The following GAL3ST1 variants were observed in gnomAD, a reference collection of about 807,000 sequenced individuals.
GAL3ST1 encodes galactosylceramide sulfotransferase.
A neutral mutation model predicts 25.0 loss-of-function variants in GAL3ST1; 13 were observed. The ratio of observed to expected loss-of-function variants is 0.52; its 90% CI spans 0.34 to 0.83. The LOEUF (loss-of-function observed/expected upper bound fraction) is 0.83. Ranked by LOEUF, GAL3ST1 falls within the 40% of genes least tolerant of loss-of-function variation. GAL3ST1 has a pLI of 0.02. For missense variants in GAL3ST1, 474 were observed against 613.6 expected, an observed-to-expected ratio of 0.77 and a Z score of 2.40; for synonymous variants, 274 against 277.8, an observed-to-expected ratio of 0.99 and a Z score of 0.14.
chr22:30,559,296 T>G (rs533586659), intron 1 of GAL3ST1, among the ~76,000 whole-genome samples: 2 of 152,154 alleles, frequency 1.3e-5, no homozygotes, highest in Admixed American at 1.3e-4. Flanking sequence ...GCTGGAGTGC[T>G]GTGGCGCAAT....
intron 3 of GAL3ST1, 135 bp from the exon 4 acceptor site, chr22:30,556,228 C>T: frequency 1.4e-6 from 1 of 722,628 alleles, no homozygotes; most frequent in East Asian, 2.7e-5. Context: ...GGGCCTGAGT[C>T]CAGGCTGGGT....
intron 2 of GAL3ST1, among the ~76,000 whole-genome samples, chr22:30,558,078 G>A (rs1040313746): frequency 1.3e-5 from 2 of 151,600 alleles, no homozygotes; most frequent in South Asian, 2.1e-4. Context: ...GTGAGCCATC[G>A]CGCCCGACCA....
At chr22:30,570,393 A>G (rs780869599) in intron 1 of GAL3ST1, among the ~76,000 whole-genome samples, 5 of 152,252 alleles carry the variant, frequency 3.3e-5, no homozygotes, top group Admixed American at 2.0e-4. Flanking sequence ...CTAACAATCA[A>G]TCTGAGATGG....
Position 30,567,162 on chromosome 22 carries a change from A to T in GAL3ST1, c.-120+7304T>A, listed in dbSNP as rs540376382. ...ATAAAAGCAGTATACTGAAAAAAAA[A>T]TTCAAACAATACAGAAGAGTATAAA... On this transcript the variant is annotated intron_variant, in intron 1 of 3. Coordinates refer to ENST00000406361, the MANE Select transcript of GAL3ST1 (RefSeq NM_001318104.2). 2.0e-5 allele frequency among the ~76,000 whole-genome samples: 3 copies of T among 152,294 alleles called. No homozygotes were observed. In the East Asian group the frequency reaches 5.8e-4, roughly 29 times the overall value.
intron 1 of GAL3ST1, among the ~76,000 whole-genome samples, chr22:30,569,803 C>A (rs2086728506): frequency 6.6e-6 from 1 of 152,196 alleles, no homozygotes; most frequent in East Asian, 1.9e-4. Flanking sequence ...AAACCATTCC[C>A]CAGCCGGGCA....
intron 1 of GAL3ST1, among the ~76,000 whole-genome samples, chr22:30,570,977 T>TACACACACACACACAC (rs67031445): frequency 4.8e-5 from 7 of 146,186 alleles, no homozygotes; most frequent in East Asian, 4.1e-4. Context: ...TCTGTGATGA[T>TACACACACACACACAC]ACACACACAC....
chr22:30,555,879 C>T lies in GAL3ST1; in HGVS notation c.346G>A (p.Asp116Asn). 4 of 1,614,152 alleles carry T rather than the reference C, an allele frequency of 2.5e-6. No individual in the cohort carries two copies. The highest frequency in any genetic ancestry group is 3.4e-6 in the Non-Finnish European group (4 of 1,180,020). The change falls in exon 4 of 4, where the codon GAC becomes AAC. Residue 116 changes from aspartate to asparagine, a missense_variant. Around this residue, in one of 2 missense-constraint regions of GAL3ST1, gnomAD observed 359 missense variants for 504.4 expected, o/e 0.71. Coordinates refer to ENST00000406361, the MANE Select transcript of GAL3ST1 (RefSeq NM_001318104.2). The surrounding 1 kb of genome is among the most constrained non-coding windows in gnomAD (Gnocchi z 8.6). ...CTGCGGGCGAAGAAGGTCGGGTAGT[C>T]GAAGTCATTGCGGCCGTTAGGGAAG... ...FAFPNGRNDF[D>N]YPTFFARSLV...
At chr22:30,559,285 G>C (rs978430928) in intron 1 of GAL3ST1, among the ~76,000 whole-genome samples, 4 of 152,130 alleles carry the variant, frequency 2.6e-5, no homozygotes. Context: ...TCTGTCGCCA[G>C]GCTGGAGTGC....
intron 1 of GAL3ST1, among the ~76,000 whole-genome samples, chr22:30,572,063 G>T (rs764303102): frequency 6.6e-6 from 1 of 152,132 alleles, no homozygotes; most frequent in African/African-American, 2.4e-5. Context: ...GCTTCCTGAG[G>T]GGGGGATTTG....
intron 1 of GAL3ST1, among the ~76,000 whole-genome samples, chr22:30,569,713 G>T (rs1030853964): frequency 2.0e-5 from 3 of 152,188 alleles, no homozygotes; most frequent in Non-Finnish European, 2.9e-5. Flanking sequence ...TTACGGAGCA[G>T]GGTGAAGAAG....
intron 1 of GAL3ST1, among the ~76,000 whole-genome samples, chr22:30,573,608 C>G (rs976636822): frequency 6.6e-5 from 10 of 152,216 alleles, no homozygotes; most frequent in African/African-American, 2.4e-4. Context: ...CACCTCTCTC[C>G]CCTCTGGAGG....
Position 30,570,276 on chromosome 22 carries a change from C to T in GAL3ST1, c.-120+4190G>A, listed in dbSNP as rs189266708. Among the ~76,000 whole-genome samples the T allele has an allele frequency of 1.2e-3, 188 of 152,296 alleles. 1 individual carries two copies. Among genetic ancestry groups the T allele is most frequent in the African/African-American group, 4.1e-3 (170 of 41,550 alleles). ...CTTTCAAGAGTGGAGCAAAACAACT[C>T]TCCCTATGATGTTCGTAGTGCAGAT... On this transcript the variant is annotated intron_variant, in intron 1 of 3. Coordinates refer to ENST00000406361, the MANE Select transcript of GAL3ST1 (RefSeq NM_001318104.2).
At position 30,555,435 on chromosome 22, in the gene GAL3ST1, C is replaced by G. The variant is rs1294054111; in HGVS notation, c.790G>C (p.Asp264His). Residue 264 changes from aspartate to histidine, a missense_variant, in exon 4 of 4, where the codon GAC (aspartate) becomes CAC (histidine). Around this residue, in one of 2 missense-constraint regions of GAL3ST1, gnomAD observed 359 missense variants for 504.4 expected, o/e 0.71. Transcript: ENST00000406361. The surrounding 1 kb of genome is among the most constrained non-coding windows in gnomAD (Gnocchi z 8.6). ...TCCTCCAGCTCCCAGCACAGCAGGT[C>G]CTTCAGCAGCACCAGCGACTCGTCG... ...YFDESLVLLK[D>H]LLCWELEDVL... The G allele has an allele frequency of 3.7e-6, 6 of 1,611,890 alleles. No individual in the cohort carries two copies. Among genetic ancestry groups the G allele is most frequent in the Non-Finnish European group, 5.1e-6 (6 of 1,179,848 alleles).
intron 1 of GAL3ST1, among the ~76,000 whole-genome samples, chr22:30,562,664 G>T (rs1292106519): frequency 6.6e-6 from 1 of 152,242 alleles, no homozygotes; most frequent in Non-Finnish European, 1.5e-5. Context: ...AATGTGTGAT[G>T]AATGACTTCC....
In GAL3ST1 at chr22:30,555,350, TC is replaced by T; in HGVS notation, c.874del (p.Glu292SerfsTer110). 1 of 1,604,854 alleles carries T rather than the reference TC, an allele frequency of 6.2e-7. No homozygotes were observed. ...CCAGGCGGTGGCGCGCCCATACAGCTCCCCCGAGAGCCGCGGCACGGGCGAG... is the reference window on the plus strand; with the variant it reads ...CCAGGCGGTGGCGCGCCCATACAGCTCCCCGAGAGCCGCGGCACGGGCGAG... The part of the protein sequence containing the change: ...RDSPVPRLSG[E>X]LYGRATAWNM... On this transcript the variant is annotated frameshift_variant, in exon 4 of 4. Coordinates refer to ENST00000406361, the MANE Select transcript of GAL3ST1 (RefSeq NM_001318104.2). LOFTEE classifies it high-confidence loss of function. This position sits in a 1 kb window ranked among gnomAD's most constrained non-coding sequence, Gnocchi z 8.6.
intron 1 of GAL3ST1, among the ~76,000 whole-genome samples, chr22:30,559,528 C>T (rs537067988): frequency 1.1e-4 from 16 of 152,148 alleles, no homozygotes; most frequent in Admixed American, 3.3e-4. Context: ...CATGAGCCAC[C>T]GCGCCTGGCC....
rs757124639 is a variant in GAL3ST1, at chr22:30,557,339, C to T, written c.54G>A (p.Leu18=). The T allele has an allele frequency of 6.2e-7, 1 of 1,614,252 alleles. No homozygotes were observed. The highest frequency in any genetic ancestry group is 1.7e-5 in the Admixed American group (1 of 60,032). The change falls in exon 3 of 4, where the codon CTG becomes CTA. Residue 18 remains leucine (L), a synonymous_variant. Coordinates refer to ENST00000406361, the MANE Select transcript of GAL3ST1 (RefSeq NM_001318104.2). ...GCAGGAAACTAGTGAAGAGCGCGCC[C>T]AGCACCAGCCCCTTAGCCATGGACT... ...PWESMAKGLV[L]GALFTSFLLL...
chr22:30,566,923 C>CTGGT (rs2146418406), intron 1 of GAL3ST1, among the ~76,000 whole-genome samples: 1 of 152,070 alleles, frequency 6.6e-6, no homozygotes, highest in African/African-American at 2.4e-5. Context: ...ACATCTTTGG[C>CTGGT]TGGTTCTCTA....
intron 1 of GAL3ST1, among the ~76,000 whole-genome samples, chr22:30,568,539 G>GA (rs2086691548): frequency 6.6e-6 from 1 of 152,180 alleles, no homozygotes; most frequent in African/African-American, 2.4e-5. Context: ...TGGATTTCAA[G>GA]AAAACGAGAA....
Sources: allele counts gnomAD v4.1 joint callset (sites outside exome capture counted in the v4.1 genomes callset), GRCh38; gene constraint gnomAD v4.1.1; regional missense constraint gnomAD v4.1.1; non-coding constraint Gnocchi (gnomAD v3.1); transcripts MANE v1.5; gene names NCBI Gene and HGNC (gene_info 2026-07-23, HGNC 2026-07-21).